The following ANO3 variants were observed in gnomAD, a reference collection of about 807,000 sequenced individuals.
ANO3 encodes anoctamin 3.
A neutral mutation model predicts 144.8 loss-of-function variants in ANO3; 99 were observed. The ratio of observed to expected loss-of-function variants is 0.68; its 90% CI spans 0.58 to 0.81. The LOEUF (loss-of-function observed/expected upper bound fraction) is 0.81. ANO3 is among the 30% of genes least tolerant of loss of function. The probability of loss-of-function intolerance (pLI) is 0.00; values close to 1 mark genes in which losing one functional copy is unlikely to be tolerated. For synonymous variants in ANO3, 414 were observed against 392.6 expected (o/e 1.05, Z -0.64); for missense variants, 905 against 1,202.2 (o/e 0.75, Z 3.66).
In ANO3 at chr11:26,376,522, A is replaced by G. The variant is rs550098755; in HGVS notation, c.46+44201A>G. 1.6e-4 allele frequency among the ~76,000 whole-genome samples: 24 copies of G among 152,212 alleles called. No homozygotes were observed. The East Asian group carries it at 4.1e-3, about 26-fold the overall frequency. Reference sequence around the variant, plus strand: ...GCAGCTTGGTAAAGGGAACTTATGCATTTTCTTGAAACATGTCCTTCGAAG... The same window carrying G: ...GCAGCTTGGTAAAGGGAACTTATGCGTTTTCTTGAAACATGTCCTTCGAAG... On this transcript the variant is annotated intron_variant, in intron 1 of 26. Coordinates refer to ENST00000256737, the MANE Select transcript of ANO3 (RefSeq NM_031418.4).
chr11:26,299,125 G>A (rs1854159295), intron 1 of ANO3, among the ~76,000 whole-genome samples: 1 of 152,172 alleles, frequency 6.6e-6, no homozygotes, highest in Non-Finnish European at 1.5e-5. Context: ...TAAGGTTTGA[G>A]GTTTCTGGGG....
intron 23 of ANO3, among the ~76,000 whole-genome samples, chr11:26,644,213 T>G (rs1416148070): frequency 1.3e-5 from 2 of 152,210 alleles, no homozygotes; most frequent in Non-Finnish European, 2.9e-5. Context: ...TGAGATTAAG[T>G]TTACATCCAA....
At chr11:26,435,420 C>T (rs1858258343) in intron 1 of ANO3, among the ~76,000 whole-genome samples, 1 of 152,024 alleles carries the variant, frequency 6.6e-6, no homozygotes, top group South Asian at 2.1e-4. Flanking sequence ...TAGAATCTTT[C>T]AGGTGTTCTC....
chr11:26,454,198 C>A (rs1295963851), intron 3 of ANO3, among the ~76,000 whole-genome samples: 1 of 152,070 alleles, frequency 6.6e-6, no homozygotes, highest in Non-Finnish European at 1.5e-5. Context: ...CATTCAAAAG[C>A]TAGCAGAAGG....
chr11:26,371,887 G>A (rs1856270441), intron 1 of ANO3, among the ~76,000 whole-genome samples: 1 of 152,160 alleles, frequency 6.6e-6, no homozygotes, highest in South Asian at 2.1e-4. Context: ...AGACTCATAG[G>A]TGGAAGGGGC....
chr11:26,490,622 A>G (rs1396006553), intron 4 of ANO3, among the ~76,000 whole-genome samples: 1 of 152,266 alleles, frequency 6.6e-6, no homozygotes, highest in Non-Finnish European at 1.5e-5. Flanking sequence ...GTATAACGTC[A>G]CAGAGAAATG....
chr11:26,583,836 C>CT (rs1355285273), intron 14 of ANO3, among the ~76,000 whole-genome samples: 1 of 152,138 alleles, frequency 6.6e-6, no homozygotes. Context: ...AACTGGCAAT[C>CT]TGAGTTGTTG....
intron 5 of ANO3, among the ~76,000 whole-genome samples, chr11:26,509,755 T>G (rs1266951428): frequency 6.6e-6 from 1 of 152,152 alleles, no homozygotes; most frequent in East Asian, 1.9e-4. Flanking sequence ...AATATTGGAA[T>G]CCCTTTACCC....
At chr11:26,583,834 A>G (rs1851200434) in intron 14 of ANO3, among the ~76,000 whole-genome samples, 1 of 152,168 alleles carries the variant, frequency 6.6e-6, no homozygotes, top group Non-Finnish European at 1.5e-5. Flanking sequence ...CAAACTGGCA[A>G]TCTGAGTTGT....
intron 14 of ANO3, among the ~76,000 whole-genome samples, chr11:26,586,794 C>G (rs1429025945): frequency 7.0e-6 from 1 of 141,916 alleles, no homozygotes; most frequent in African/African-American, 2.5e-5. Context: ...AGCCACCACG[C>G]CCGGCCTCTA....
intron 1 of ANO3, among the ~76,000 whole-genome samples, chr11:26,244,524 G>A (rs1160029290): frequency 6.6e-6 from 1 of 152,162 alleles, no homozygotes; most frequent in African/African-American, 2.4e-5. Context: ...CAAAGAAAAG[G>A]ATCGTAGGAG....
chr11:26,525,124 C>A (rs1479281552), intron 6 of ANO3, among the ~76,000 whole-genome samples: 1 of 152,240 alleles, frequency 6.6e-6, no homozygotes, highest in South Asian at 2.1e-4. Flanking sequence ...GATGACTTCT[C>A]ACCTCAACTA....
intron 4 of ANO3, among the ~76,000 whole-genome samples, chr11:26,500,572 G>T (rs920770626): frequency 6.6e-6 from 1 of 152,068 alleles, no homozygotes; most frequent in Admixed American, 6.6e-5. Context: ...ATCTTTGAAT[G>T]TGCTTGTTGG....
chr11:26,567,851 G>A (rs939428635), intron 14 of ANO3, among the ~76,000 whole-genome samples: 2 of 152,046 alleles, frequency 1.3e-5, no homozygotes, highest in South Asian at 2.1e-4. Context: ...TGTATGCAAC[G>A]ACATGGATGA....
intron 10 of ANO3, among the ~76,000 whole-genome samples, chr11:26,539,893 A>C (rs1849602586): frequency 6.6e-6 from 1 of 152,162 alleles, no homozygotes; most frequent in Non-Finnish European, 1.5e-5. Flanking sequence ...GAAAACTGAG[A>C]CATAACTCCA....
intron 1 of ANO3, among the ~76,000 whole-genome samples, chr11:26,201,883 T>C (rs1364827655): frequency 6.6e-6 from 1 of 151,662 alleles, no homozygotes; most frequent in Non-Finnish European, 1.5e-5. Context: ...CCTGAGAGCC[T>C]GCCAGTTCTG....
intron 1 of ANO3, among the ~76,000 whole-genome samples, chr11:26,321,829 G>C (rs1304380888): frequency 6.6e-6 from 1 of 151,958 alleles, no homozygotes; most frequent in East Asian, 1.9e-4. Context: ...GTCAGGATAA[G>C]TGTCTTTTCT....
At chr11:26,542,923 A>G (rs1183801436) in intron 11 of ANO3, among the ~76,000 whole-genome samples, 1 of 152,114 alleles carries the variant, frequency 6.6e-6, no homozygotes, top group Non-Finnish European at 1.5e-5. Flanking sequence ...TCAAGAATAA[A>G]TCACAGCTGA....
chr11:26,251,845 G>T (rs1289423771), intron 1 of ANO3, among the ~76,000 whole-genome samples: 2 of 152,070 alleles, frequency 1.3e-5, no homozygotes, highest in African/African-American at 4.8e-5. Flanking sequence ...TCACTATCAC[G>T]CAGACAGCAT....
Sources: gnomAD v4.1 joint callset for allele counts (sites outside exome capture counted in the v4.1 genomes callset) on GRCh38, gnomAD v4.1.1 for gene constraint, MANE v1.5 for transcripts, NCBI Gene and HGNC (gene_info 2026-07-23, HGNC 2026-07-21) for gene names.